The following DPYD variants were observed in gnomAD, a reference collection of about 807,000 sequenced individuals.
DPYD encodes dihydropyrimidine dehydrogenase.
Under a neutral mutation model 116.2 loss-of-function variants are expected in DPYD, and 109 were observed. The observed-to-expected ratio is 0.94, with a 90% CI of 0.80 to 1.10. The LOEUF (loss-of-function observed/expected upper bound fraction) is 1.10, where lower values mean the gene tolerates loss of function less well. DPYD is among the 50% of genes least tolerant of loss of function. The pLI is 0.00. For synonymous variants in DPYD, 440 were observed against 432.0 expected (o/e 1.02, Z -0.23); for missense variants, 1,302 against 1,254.5 (o/e 1.04, Z -0.57).
chr1:97,581,326 CAAAAAAAAAAAA>C (rs1161399547), intron 10 of DPYD, among the ~76,000 whole-genome samples: 5 of 66,600 alleles, frequency 7.5e-5, no homozygotes, highest in South Asian at 9.1e-4. Context: ...GACTCAGTCT[CAAAAAAAAAAAA>C]AAAAAAAAAA....
intron 5 of DPYD, among the ~76,000 whole-genome samples, chr1:97,704,265 G>A (rs1477329217): frequency 6.6e-6 from 1 of 151,890 alleles, no homozygotes; most frequent in Admixed American, 6.6e-5. Context: ...ATATTTTGTG[G>A]GTGAATGGGG....
chr1:97,452,246 T>A (rs1557721924), intron 13 of DPYD, among the ~76,000 whole-genome samples: 1 of 152,140 alleles, frequency 6.6e-6, no homozygotes, highest in African/African-American at 2.4e-5. Flanking sequence ...TATACCTTCC[T>A]CAATTGGCAT....
intron 14 of DPYD, among the ~76,000 whole-genome samples, chr1:97,398,054 A>G (rs1008049844): frequency 1.3e-5 from 2 of 151,928 alleles, no homozygotes; most frequent in Non-Finnish European, 2.9e-5. Context: ...CCATTAAATC[A>G]TCATTTACAT....
At chr1:97,291,825 C>T (rs2100987791) in intron 18 of DPYD, among the ~76,000 whole-genome samples, 1 of 152,034 alleles carries the variant, frequency 6.6e-6, no homozygotes, top group South Asian at 2.1e-4. Context: ...TACCCTAAAA[C>T]TTAAAGTATA....
intron 16 of DPYD, among the ~76,000 whole-genome samples, chr1:97,307,913 T>C (rs1667267588): frequency 6.6e-6 from 1 of 151,934 alleles, no homozygotes; most frequent in Non-Finnish European, 1.5e-5. Flanking sequence ...ATGATATGAA[T>C]TGCATGTCCT....
intron 6 of DPYD, 73 bp from the exon 7 acceptor site, chr1:97,691,871 G>C: frequency 8.3e-7 from 1 of 1,200,728 alleles, no homozygotes; most frequent in Non-Finnish European, 1.2e-6. Flanking sequence ...TTAAAAAAAG[G>C]TAACATGTCT....
intron 18 of DPYD, among the ~76,000 whole-genome samples, chr1:97,246,488 G>A (rs921343609): frequency 6.6e-6 from 1 of 152,144 alleles, no homozygotes; most frequent in Non-Finnish European, 1.5e-5. Flanking sequence ...AAAGATAAGT[G>A]GGTAGGTCTG....
intron 3 of DPYD, among the ~76,000 whole-genome samples, chr1:97,814,939 A>AAGGAAGGAG (rs1553245566): frequency 9.7e-6 from 1 of 102,672 alleles, no homozygotes; most frequent in African/African-American, 2.9e-5. Context: ...AGAGGAAAGA[A>AAGGAAGGAG]AGAAAGAAAG....
At chr1:97,404,706 A>T (rs756443165) in intron 14 of DPYD, among the ~76,000 whole-genome samples, 7 of 152,062 alleles carry the variant, frequency 4.6e-5, no homozygotes, top group Non-Finnish European at 1.0e-4. Flanking sequence ...CTTATACGCA[A>T]TACATAGGTG....
At chr1:97,234,798 A>G (rs1014101549) in intron 19 of DPYD, 54 bp downstream of exon 19, 3 of 1,608,738 alleles carry the variant, frequency 1.9e-6, no homozygotes, top group Non-Finnish European at 2.5e-6. Context: ...CATAACTTAC[A>G]TTGCATTTGT....
intron 1 of DPYD, among the ~76,000 whole-genome samples, chr1:97,903,209 A>G (rs1487655958): frequency 6.6e-6 from 1 of 151,950 alleles, no homozygotes; most frequent in African/African-American, 2.4e-5. Context: ...AGCAAAATTA[A>G]AACTTGAAAA....
intron 20 of DPYD, among the ~76,000 whole-genome samples, chr1:97,173,465 ACACACAT>A: frequency 1.5e-5 from 2 of 130,656 alleles, no homozygotes; most frequent in African/African-American, 6.3e-5. Context: ...GTATATATAT[ACACACAT>A]AATGTGTATA....
chr1:97,140,461 G>C, intron 20 of DPYD, among the ~76,000 whole-genome samples: 1 of 152,122 alleles, frequency 6.6e-6, no homozygotes, highest in East Asian at 1.9e-4. Context: ...GGGAGGCTCT[G>C]AAGATCCCAC....
intron 2 of DPYD, among the ~76,000 whole-genome samples, chr1:97,882,595 A>G (rs924450286): frequency 1.3e-5 from 2 of 152,076 alleles, no homozygotes; most frequent in Admixed American, 1.3e-4. Flanking sequence ...AAAAACGTAT[A>G]TAACTTTAAG....
rs563419904 is a variant in DPYD at position 97,154,667 on chromosome 1, C to T, written c.2622+38402G>A. On this transcript the variant is annotated intron_variant, in intron 20 of 22. Coordinates refer to ENST00000370192, the MANE Select transcript of DPYD (RefSeq NM_000110.4). ...TTGATGTTGCAGTCAGCAAAGATTG[C>T]GCCACTGCCCTCCTGGGCAACAAAG... 1.2e-4 allele frequency among the ~76,000 whole-genome samples: 18 copies of T among 149,268 alleles called. No individual in the cohort carries two copies. The South Asian group carries it at 2.3e-3, about 19-fold the overall frequency.
At chr1:97,597,591 A>G (rs529155648) in intron 8 of DPYD, among the ~76,000 whole-genome samples, 4 of 152,316 alleles carry the variant, frequency 2.6e-5, no homozygotes, top group African/African-American at 9.6e-5. Flanking sequence ...TGATGTGATT[A>G]ATATCTACAA....
chr1:97,718,170 G>T (rs1432411738), intron 5 of DPYD, among the ~76,000 whole-genome samples: 4 of 151,974 alleles, frequency 2.6e-5, no homozygotes, highest in Non-Finnish European at 5.9e-5. Context: ...TCTTGCAGGA[G>T]TAAGGTGGTA....
intron 14 of DPYD, among the ~76,000 whole-genome samples, chr1:97,441,534 A>C (rs1329596632): frequency 6.6e-6 from 1 of 151,860 alleles, no homozygotes; most frequent in Non-Finnish European, 1.5e-5. Flanking sequence ...TTGTAGTTTT[A>C]ATTTCTGGAA....
At chr1:97,241,521 A>G (rs1662340370) in intron 18 of DPYD, among the ~76,000 whole-genome samples, 1 of 152,028 alleles carries the variant, frequency 6.6e-6, no homozygotes, top group Non-Finnish European at 1.5e-5. Context: ...GCGACATGAA[A>G]GTTCCCATTT....
Sources: gnomAD v4.1 joint callset for allele counts (sites outside exome capture counted in the v4.1 genomes callset) on GRCh38, gnomAD v4.1.1 for gene constraint, MANE v1.5 for transcripts, NCBI Gene and HGNC (gene_info 2026-07-23, HGNC 2026-07-21) for gene names.